The following ITPR3 variants were observed in gnomAD, a reference collection of about 807,000 sequenced individuals.
ITPR3 encodes the protein inositol 1,4,5-trisphosphate receptor type 3, also known as inositol 1,4,5-trisphosphate-gated calcium channel ITPR3.
A neutral mutation model predicts 293.2 loss-of-function variants in ITPR3; 173 were observed. The observed-to-expected ratio is 0.59, with a 90% CI of 0.52 to 0.67. ITPR3 has a LOEUF of 0.67. Ranked by LOEUF, ITPR3 falls within the 30% of genes least tolerant of loss-of-function variation. The pLI is 0.00. For synonymous variants in ITPR3, 1,295 were observed against 1,444.4 expected (o/e 0.90, Z 2.35); for missense variants, 2,796 against 3,592.1 (o/e 0.78, Z 5.66).
chr6:33,674,377 C>G (rs558193834), intron 24 of ITPR3, 112 bp downstream of exon 24: 2 of 965,728 alleles, frequency 2.1e-6, no homozygotes, highest in South Asian at 3.1e-5. Flanking sequence ...CTGCCATTCC[C>G]TCTGCAGACC....
chr6:33,678,410 C>T lies in ITPR3; in HGVS notation c.3649-11C>T. The T allele has an allele frequency of 1.2e-6, 2 of 1,612,622 alleles. No homozygotes were observed. Among genetic ancestry groups the T allele is most frequent in the Non-Finnish European group, 1.7e-6 (2 of 1,179,192 alleles). ...TGGGCCCAGCACCCTCTCCCTGACT[C>T]CTGTGTCCAGGGTGATGCCAAGATG... On this transcript the variant is annotated splice_polypyrimidine_tract_variant and intron_variant, in intron 28 of 57. Coordinates refer to ENST00000605930, the MANE Select transcript of ITPR3 (RefSeq NM_002224.4).
chr6:33,642,627 G>A (rs187156200), intron 2 of ITPR3, among the ~76,000 whole-genome samples: 5 of 152,106 alleles, frequency 3.3e-5, no homozygotes, highest in African/African-American at 7.2e-5. Flanking sequence ...GAACAAATGC[G>A]CCTTTGACTT....
rs147021135 is a variant in ITPR3, at chr6:33,695,717, G to A, written c.7953G>A (p.Thr2651=). Residue 2651 remains threonine (T), a synonymous_variant, in exon 58 of 58, where the codon ACG becomes ACA. Coordinates refer to ENST00000605930, the MANE Select transcript of ITPR3 (RefSeq NM_002224.4). ...AQLNELKEQM[T]EQRKRRQRLG... is the part of the protein sequence containing the mutation. Reference sequence around the variant, plus strand: ...TGGCATCTGCTTAACCCTAGATGACGGAGCAGCGGAAACGCAGGCAACGCC... The same window carrying A: ...TGGCATCTGCTTAACCCTAGATGACAGAGCAGCGGAAACGCAGGCAACGCC... The A allele has an allele frequency of 4.1e-4, 657 of 1,614,118 alleles. 3 individuals are homozygous for A. The East Asian group carries it at 0.012, about 29-fold the overall frequency.
At position 33,632,385 on chromosome 6, in the gene ITPR3, C is replaced by A. The variant is rs1323722769; in HGVS notation, c.90-8099C>A. On this transcript the variant is annotated intron_variant, in intron 1 of 57. Transcript: ENST00000605930. This position sits in a 1 kb window ranked among gnomAD's most constrained non-coding sequence, Gnocchi z 4.1. ...TGATAGTCACCTGCCCCACTTCTAT[C>A]TAGCTCCCTTCCTCCTCCTTATCTA... Among the ~76,000 whole-genome samples, 1 of 152,214 alleles carries A rather than the reference C, an allele frequency of 6.6e-6. No individual in the cohort carries two copies. Among genetic ancestry groups the A allele is most frequent in the Non-Finnish European group, 1.5e-5 (1 of 68,030 alleles).
At chr6:33,671,117 C>A in intron 20 of ITPR3, 48 bp from the exon 21 acceptor site, 1 of 1,607,514 alleles carries the variant, frequency 6.2e-7, no homozygotes, top group East Asian at 2.2e-5. Flanking sequence ...AGCCCCGCCC[C>A]TACGCGCCGG....
chr6:33,659,630 G>A lies in ITPR3; in HGVS notation c.711+81G>A, dbSNP rs182084152. 5.0e-5 allele frequency: 61 copies of A among 1,219,170 alleles called. No homozygotes were observed. The East Asian group carries it at 1.1e-3, about 22-fold the overall frequency. The allele number at this position is 1,219,170 out of a possible 1,614,324, so 75.5% of individuals were successfully genotyped here. A position where few individuals can be genotyped will look rare whatever the true frequency, so the allele number is the denominator to read the frequency against. Reference sequence around the variant, plus strand: ...GGCCCTCTTCCTGCCTTCTCCACCCGCCAGGCCTCAGGCCCTTACCCTCTC... The same window carrying A: ...GGCCCTCTTCCTGCCTTCTCCACCCACCAGGCCTCAGGCCCTTACCCTCTC... On this transcript the variant is annotated intron_variant, in intron 7 of 57. Transcript: ENST00000605930.
At position 33,683,996 on chromosome 6, in the gene ITPR3, A is replaced by G. The variant is rs748990388; in HGVS notation, c.4789-24A>G. On this transcript the variant is annotated intron_variant, in intron 35 of 57. Coordinates refer to ENST00000605930, the MANE Select transcript of ITPR3 (RefSeq NM_002224.4). This position sits in a 1 kb window ranked among gnomAD's most constrained non-coding sequence, Gnocchi z 4.5. ...CCCGGGTCATTTCTTGGGCCTGGCA[A>G]TGACTCTGCCCTGCCCACCCCAGGA... is the stretch of plus-strand genomic sequence containing the variant. The G allele has an allele frequency of 2.5e-6, 4 of 1,569,642 alleles. No individual in the cohort carries two copies. Among genetic ancestry groups the G allele is most frequent in the African/African-American group, 2.7e-5 (2 of 74,134 alleles).
Position 33,675,449 on chromosome 6 carries a change from G to C in ITPR3, c.3117-242G>C, listed in dbSNP as rs981700936. The stretch of plus-strand genomic sequence containing the variant: ...TCAAAAAAAAAAAAAAAGAGTCCTT[G>C]CTTCAGTTGCTTAATCAAGGGGAGT... On this transcript the variant is annotated intron_variant, in intron 24 of 57. Coordinates refer to ENST00000605930, the MANE Select transcript of ITPR3 (RefSeq NM_002224.4). The surrounding 1 kb of genome is among the most constrained non-coding windows in gnomAD (Gnocchi z 5.0). Among the ~76,000 whole-genome samples, 4 of 151,608 alleles carry C rather than the reference G, an allele frequency of 2.6e-5. No homozygotes were observed. Among genetic ancestry groups the C allele is most frequent in the African/African-American group, 9.7e-5 (4 of 41,256 alleles).
intron 33 of ITPR3, 140 bp downstream of exon 33, chr6:33,680,820 C>CT (rs747753235): frequency 0.096 from 54,568 of 568,116 alleles, 319 homozygotes; most frequent in African/African-American, 0.13. Context: ...TATTGGTTAT[C>CT]TTTTTTTTTT....
chr6:33,688,511 C>T, intron 48 of ITPR3, 80 bp downstream of exon 48: 1 of 1,499,530 alleles, frequency 6.7e-7, no homozygotes, highest in Non-Finnish European at 8.9e-7. Flanking sequence ...CTTTGCCTGC[C>T]TGTGGGTGCC....
chr6:33,675,317 G>C lies in ITPR3; in HGVS notation c.3117-374G>C, dbSNP rs1180228784. ...CACACTGGTAATTCCAGCTACTCAG[G>C]AGGCTGAAGCAGGAGAATCATTTGA... On this transcript the variant is annotated intron_variant, in intron 24 of 57. Coordinates refer to ENST00000605930, the MANE Select transcript of ITPR3 (RefSeq NM_002224.4). This position sits in a 1 kb window ranked among gnomAD's most constrained non-coding sequence, Gnocchi z 5.0. 6.6e-6 allele frequency among the ~76,000 whole-genome samples: 1 copy of C among 152,026 alleles called. No individual in the cohort carries two copies. Among genetic ancestry groups the C allele is most frequent in the East Asian group, 1.9e-4 (1 of 5,184 alleles).
rs1424274830 is a variant in ITPR3, at chr6:33,683,995, A to G, written c.4789-25A>G. 2 of 1,569,518 alleles carry G rather than the reference A, an allele frequency of 1.3e-6. No homozygotes were observed. The highest frequency in any genetic ancestry group is 1.2e-5 in the South Asian group (1 of 86,942). On this transcript the variant is annotated intron_variant, in intron 35 of 57. Coordinates refer to ENST00000605930, the MANE Select transcript of ITPR3 (RefSeq NM_002224.4). This position sits in a 1 kb window ranked among gnomAD's most constrained non-coding sequence, Gnocchi z 4.5. ...ACCCGGGTCATTTCTTGGGCCTGGC[A>G]ATGACTCTGCCCTGCCCACCCCAGG...
Position 33,684,571 on chromosome 6 carries a change from T to G in ITPR3, c.5047-27T>G. 1 of 1,611,846 alleles carries G rather than the reference T, an allele frequency of 6.2e-7. No individual in the cohort carries two copies. Among genetic ancestry groups the G allele is most frequent in the South Asian group, 1.1e-5 (1 of 91,010 alleles). ...GGTCAGTGGTGGGCTGTACCCACAATGGGGCCTCACTCCCATCCTCCCCCA... is the reference window on the plus strand; with the variant it reads ...GGTCAGTGGTGGGCTGTACCCACAAGGGGGCCTCACTCCCATCCTCCCCCA... On this transcript the variant is annotated intron_variant, in intron 37 of 57. Transcript: ENST00000605930. The surrounding 1 kb of genome is among the most constrained non-coding windows in gnomAD (Gnocchi z 4.2).
intron 48 of ITPR3, 80 bp downstream of exon 48, chr6:33,688,511 C>A: frequency 6.7e-7 from 1 of 1,499,530 alleles, no homozygotes; most frequent in Non-Finnish European, 8.9e-7. Flanking sequence ...CTTTGCCTGC[C>A]TGTGGGTGCC....
rs769903397 is a variant in ITPR3 at position 33,680,340 on chromosome 6, C to T, written c.4236C>T (p.Ala1412=). ...CGCCCACTGCCCAGGTGAAAATGGCCTATGTGAACTTCGTGAACCACTGCT... is the reference window on the plus strand; with the variant it reads ...CGCCCACTGCCCAGGTGAAAATGGCTTATGTGAACTTCGTGAACCACTGCT... ...HEDCITEVKM[A]YVNFVNHCYV... The change falls in exon 32 of 58, where the codon GCC becomes GCT. Residue 1412 remains alanine (A), a synonymous_variant. Coordinates refer to ENST00000605930, the MANE Select transcript of ITPR3 (RefSeq NM_002224.4). The T allele has an allele frequency of 1.6e-5, 26 of 1,613,450 alleles. 1 individual carries two copies. The South Asian group carries it at 2.7e-4, about 17-fold the overall frequency.
At chr6:33,688,872 G>C in intron 49 of ITPR3, 91 bp downstream of exon 49, 2 of 1,533,980 alleles carry the variant, frequency 1.3e-6, no homozygotes, top group Non-Finnish European at 1.8e-6. Context: ...GCTGGCCTCT[G>C]AGGGCACCAG....
rs1425192157 is a variant in ITPR3, at chr6:33,628,881, G to T, written c.89+7190G>T. ...AGCCAGCCAGCCCGCCAGCCAGCCA[G>T]CCATTAGCCCTTCCTGCACAGTGCA... is the stretch of plus-strand genomic sequence containing the variant. On this transcript the variant is annotated intron_variant, in intron 1 of 57. Coordinates refer to ENST00000605930, the MANE Select transcript of ITPR3 (RefSeq NM_002224.4). Among the ~76,000 whole-genome samples, 7 of 152,330 alleles carry T rather than the reference G, an allele frequency of 4.6e-5. No individual in the cohort carries two copies. In the East Asian group the frequency reaches 1.3e-3, roughly 29 times the overall value.
At chr6:33,662,890 C>T (rs773955259) in intron 8 of ITPR3, 21 bp from the exon 9 acceptor site, 1 of 1,571,100 alleles carries the variant, frequency 6.4e-7, no homozygotes, top group Non-Finnish European at 8.6e-7. Flanking sequence ...TCCTTCCTGC[C>T]TCACACCTGT....
chr6:33,633,936 G>T lies in ITPR3; in HGVS notation c.90-6548G>T, dbSNP rs533205079. Among the ~76,000 whole-genome samples, 1 of 151,858 alleles carries T rather than the reference G, an allele frequency of 6.6e-6. No individual in the cohort carries two copies. The highest frequency in any genetic ancestry group is 1.5e-5 in the Non-Finnish European group (1 of 67,918). ...GAACCGCTCCCACCACGCAGCGATG[G>T]GGAGGTCGCGGCCTCGCCCGGTGAG... On this transcript the variant is annotated intron_variant, in intron 1 of 57. Transcript: ENST00000605930. This position sits in a 1 kb window ranked among gnomAD's most constrained non-coding sequence, Gnocchi z 5.2.
Sources: allele counts gnomAD v4.1 joint callset (sites outside exome capture counted in the v4.1 genomes callset), GRCh38; gene constraint gnomAD v4.1.1; non-coding constraint Gnocchi (gnomAD v3.1); transcripts MANE v1.5; gene names NCBI Gene and HGNC (gene_info 2026-07-23, HGNC 2026-07-21).